DNAJC6: variants seen among roughly 807,000 people sequenced by gnomAD.
The protein encoded by DNAJC6 is auxilin.
In DNAJC6, 34 loss-of-function variants were observed where a neutral mutation model predicts 110.0. That is an observed-to-expected ratio of 0.31 (90% CI 0.24 to 0.41). The LOEUF is 0.41. DNAJC6 is among the 10% of genes least tolerant of loss of function. The pLI is 1.00. For synonymous variants in DNAJC6, 406 were observed against 437.2 expected, an observed-to-expected ratio of 0.93 and a Z score of 0.89; for missense variants, 1,031 against 1,207.8, an observed-to-expected ratio of 0.85 and a Z score of 2.17.
upstream of DNAJC6, among the ~76,000 whole-genome samples, chr1:65,307,012 CTCTCTCTATATA>C (rs1200102692): frequency 2.0e-3 from 162 of 80,006 alleles, no homozygotes; most frequent in East Asian, 0.011. Context: ...CTCTCTCTCT[CTCTCTCTATATA>C]TATATATATA....
In DNAJC6 at chr1:65,358,396, G is replaced by A. The variant is rs538362571; in HGVS notation, c.194-6239G>A. On this transcript the variant is annotated intron_variant, in intron 1 of 18. Transcript: ENST00000371069. The stretch of plus-strand genomic sequence containing the variant: ...TGGCTTACTAACTGTAGGACCTGGG[G>A]TGAATCACTGATATGTCTTTGCTTC... Among the ~76,000 whole-genome samples the A allele has an allele frequency of 1.8e-4, 27 of 152,236 alleles. No homozygotes were observed. The East Asian group carries it at 5.0e-3, about 28-fold the overall frequency.
In DNAJC6 at chr1:65,411,417, C is replaced by A; in HGVS notation, c.2802C>A (p.His934Gln). The part of the protein sequence containing the change: ...KVYRKAVLVV[H>Q]PDKATGQPYE... ...ACAGGAAGGCTGTCCTGGTGGTGCACCCAGATAAAGTGGGTATAACCTGCC... is the reference window on the plus strand; with the variant it reads ...ACAGGAAGGCTGTCCTGGTGGTGCAACCAGATAAAGTGGGTATAACCTGCC... The change falls in exon 18 of 19, where the codon CAC (histidine) becomes CAA (glutamine). Residue 934 changes from histidine (H) to glutamine (Q), a missense_variant. By Grantham distance (24) the His-to-Gln change is conservative. Transcript: ENST00000371069. The A allele has an allele frequency of 6.2e-7, 1 of 1,613,562 alleles. No homozygotes were observed. The highest frequency in any genetic ancestry group is 2.2e-5 in the East Asian group (1 of 44,862).
rs1645401737 is a variant in DNAJC6, at chr1:65,342,810, CGG to C, written c.194-21824_194-21823del. Among the ~76,000 whole-genome samples, 3 of 152,156 alleles carry C rather than the reference CGG, an allele frequency of 2.0e-5. No homozygotes were observed. In the South Asian group the frequency reaches 6.2e-4, roughly 31 times the overall value. On this transcript the variant is annotated intron_variant, in intron 1 of 18. Coordinates refer to ENST00000371069, the MANE Select transcript of DNAJC6 (RefSeq NM_001256864.2). The stretch of plus-strand genomic sequence containing the variant: ...AAATTGGTTTAAAAGTGAATAGAAA[CGG>C]TTGGTTTCTTGATGGATTCAATTCA...
At chr1:65,389,202 C>T in intron 9 of DNAJC6, 54 bp from the exon 10 acceptor site, 1 of 1,515,976 alleles carries the variant, frequency 6.6e-7, no homozygotes, top group Non-Finnish European at 9.0e-7. Context: ...TGCCAAACAT[C>T]ATACCAGTTC....
intron 1 of DNAJC6, among the ~76,000 whole-genome samples, chr1:65,349,056 A>G (rs1645464817): frequency 7.0e-6 from 1 of 143,066 alleles, no homozygotes; most frequent in Admixed American, 7.3e-5. Flanking sequence ...ATATAAAAAT[A>G]TATATGTAAA....
rs1653387156 is a variant in DNAJC6 at position 65,267,883 on chromosome 1, G to A, written c.-131+2951G>A. ...AGACCAGATAAGTGTATGGTGTGAG[G>A]TGGTGTGTGTGTGTGTGTGTGTGTG... On this transcript the variant is annotated intron_variant, in intron 1 of 19. Coordinates refer to the DNAJC6 transcript ENST00000263441. Among the ~76,000 whole-genome samples, 4 of 64,260 alleles carry A rather than the reference G, an allele frequency of 6.2e-5. No homozygotes were observed. In the South Asian group the frequency reaches 4.8e-3, roughly 77 times the overall value. The allele number at this position is 64,260 out of a possible 152,430, so 42.2% of individuals were successfully genotyped here. A position where few individuals can be genotyped will look rare whatever the true frequency, so the allele number is the denominator to read the frequency against.
chr1:65,363,837 A>G lies in DNAJC6; in HGVS notation c.194-798A>G, dbSNP rs574323168. Among the ~76,000 whole-genome samples, 7 of 152,282 alleles carry G rather than the reference A, an allele frequency of 4.6e-5. No homozygotes were observed. In the South Asian group the frequency reaches 1.5e-3, roughly 32 times the overall value. ...CTAAGCACAAGGGGCCAAAAAGCGC[A>G]ATTTTAAGAAGCTATAAAGGGAAGA... On this transcript the variant is annotated intron_variant, in intron 1 of 18. Coordinates refer to ENST00000371069, the MANE Select transcript of DNAJC6 (RefSeq NM_001256864.2).
chr1:65,269,777 T>C (rs928713063), intron 1 of DNAJC6, among the ~76,000 whole-genome samples: 5 of 152,084 alleles, frequency 3.3e-5, no homozygotes, highest in Non-Finnish European at 7.4e-5. Flanking sequence ...AATCAATGGG[T>C]CTGGTATTGC....
intron 1 of DNAJC6, among the ~76,000 whole-genome samples, chr1:65,347,630 C>CT (rs1645449608): frequency 6.6e-6 from 1 of 151,442 alleles, no homozygotes; most frequent in Admixed American, 6.6e-5. Flanking sequence ...TGAATGAAAC[C>CT]TTTTTTCATA....
At chr1:65,275,499 A>G (rs1323497396) in intron 1 of DNAJC6, among the ~76,000 whole-genome samples, 1 of 152,072 alleles carries the variant, frequency 6.6e-6, no homozygotes. Context: ...GGCTGTTGTT[A>G]AGACTTTTCT....
intron 1 of DNAJC6, among the ~76,000 whole-genome samples, chr1:65,363,905 A>G (rs2101552288): frequency 6.6e-6 from 1 of 152,300 alleles, no homozygotes; most frequent in East Asian, 1.9e-4. Flanking sequence ...GCTGCCATGC[A>G]TCCTAAGGCC....
chr1:65,316,025 T>G (rs751941895), intron 1 of DNAJC6, among the ~76,000 whole-genome samples: 5 of 152,178 alleles, frequency 3.3e-5, no homozygotes, highest in Non-Finnish European at 5.9e-5. Flanking sequence ...CAGCATTGAA[T>G]AAAGCTGATT....
chr1:65,308,747 A>T (rs1422552747), upstream of DNAJC6, among the ~76,000 whole-genome samples: 1 of 152,178 alleles, frequency 6.6e-6, no homozygotes, highest in African/African-American at 2.4e-5. Context: ...TAGCTAACTG[A>T]AACAGTCTTT....
chr1:65,363,316 CA>C (rs1382689330), intron 1 of DNAJC6, among the ~76,000 whole-genome samples: 1 of 152,156 alleles, frequency 6.6e-6, no homozygotes, highest in East Asian at 1.9e-4. Flanking sequence ...TCATATGCCA[CA>C]TAGCTCCTTT....
Position 65,406,012 on chromosome 1 carries a change from A to C in DNAJC6, c.2370A>C (p.Pro790=), listed in dbSNP as rs1439521984. ...GAGGTGCCTACAACTGGCAGCAGCC[A>C]CAGCCTAAGCCTCAGCCCAGCATGC... ...QQGGAYNWQQ[P]QPKPQPSMPH... The change falls in exon 16 of 19, where the codon CCA becomes CCC. Residue 790 remains proline, a synonymous_variant. Coordinates refer to ENST00000371069, the MANE Select transcript of DNAJC6 (RefSeq NM_001256864.2). 6.2e-7 allele frequency: 1 copy of C among 1,614,098 alleles called. No homozygotes were observed. The highest frequency in any genetic ancestry group is 1.3e-5 in the African/African-American group (1 of 74,936).
chr1:65,266,615 G>C (rs1163355182), intron 1 of DNAJC6, among the ~76,000 whole-genome samples: 1 of 152,020 alleles, frequency 6.6e-6, no homozygotes, highest in Admixed American at 6.6e-5. Context: ...TGAAATCAAA[G>C]TATTTTAAAA....
At chr1:65,345,091 G>A (rs1645424906) in intron 1 of DNAJC6, among the ~76,000 whole-genome samples, 1 of 143,768 alleles carries the variant, frequency 7.0e-6, no homozygotes, top group Non-Finnish European at 1.5e-5. Context: ...TTTAATATCT[G>A]TGATGATTCT....
At chr1:65,308,235 A>C (rs1341222097), upstream of DNAJC6, among the ~76,000 whole-genome samples, 3 of 152,214 alleles carry the variant, frequency 2.0e-5, no homozygotes, top group Non-Finnish European at 4.4e-5. Flanking sequence ...TAAGATGAGA[A>C]GAAAGCAAAG....
chr1:65,342,969 T>G (rs549447163), intron 1 of DNAJC6, among the ~76,000 whole-genome samples: 80 of 152,336 alleles, frequency 5.3e-4, no homozygotes, highest in African/African-American at 1.8e-3. Context: ...CGTTGCAGCT[T>G]TCAACAAAAG....
Sources: gnomAD v4.1 joint callset for allele counts (sites outside exome capture counted in the v4.1 genomes callset) on GRCh38, gnomAD v4.1.1 for gene constraint, MANE v1.5 for transcripts, NCBI Gene and HGNC (gene_info 2026-07-23, HGNC 2026-07-21) for gene names.